HMCN1: variants seen among roughly 807,000 people sequenced by gnomAD.
HMCN1 encodes the protein hemicentin 1, also known as hemicentin-1.
Under a neutral mutation model 625.9 loss-of-function variants are expected in HMCN1, and 321 were observed. The observed-to-expected ratio is 0.51, with a 90% confidence interval of 0.47 to 0.56. HMCN1 has a LOEUF of 0.56. HMCN1 is among the 20% of genes least tolerant of loss of function. The pLI, the probability that HMCN1 is intolerant of heterozygous loss-of-function variation, is 0.00. For synonymous variants in HMCN1, 2,425 were observed against 2,417.6 expected (o/e 1.00, Z -0.09); for missense variants, 6,588 against 6,887.3 (o/e 0.96, Z 1.54).
chr1:186,182,020 A>C, intron 104 of HMCN1, 148 bp from the exon 105 acceptor site: 1 of 801,638 alleles, frequency 1.2e-6, no homozygotes, highest in South Asian at 1.5e-5. Flanking sequence ...TCTTCATAGA[A>C]AATAGCTCTG....
intron 4 of HMCN1, among the ~76,000 whole-genome samples, chr1:185,882,714 C>T (rs984331077): frequency 6.6e-6 from 1 of 151,938 alleles, no homozygotes; most frequent in African/African-American, 2.4e-5. Context: ...GAATTTTTTT[C>T]ATCTGATGCC....
intron 1 of HMCN1, among the ~76,000 whole-genome samples, chr1:185,825,404 G>A (rs1396908379): frequency 2.0e-5 from 3 of 152,194 alleles, no homozygotes; most frequent in African/African-American, 7.2e-5. Flanking sequence ...GATTTGTGCA[G>A]TGCTTTCTTC....
At chr1:186,174,682 T>A in intron 103 of HMCN1, 40 bp downstream of exon 103, 1 of 1,608,930 alleles carries the variant, frequency 6.2e-7, no homozygotes, top group Non-Finnish European at 8.5e-7. Context: ...AAGCTACTGA[T>A]GTAGTTACCT....
chr1:185,766,463 G>A (rs1353504349), intron 1 of HMCN1, among the ~76,000 whole-genome samples: 2 of 152,114 alleles, frequency 1.3e-5, no homozygotes, highest in African/African-American at 4.8e-5. Flanking sequence ...CAGGATAATG[G>A]TGAACCACAA....
At chr1:186,118,802 CA>C (rs1184717304) in intron 77 of HMCN1, among the ~76,000 whole-genome samples, 1 of 152,152 alleles carries the variant, frequency 6.6e-6, no homozygotes, top group Non-Finnish European at 1.5e-5. Context: ...TCAGAAAAGG[CA>C]AATCTGTAGA....
chr1:186,005,262 T>TAATTGTTTA (rs1653508087), intron 29 of HMCN1, among the ~76,000 whole-genome samples: 1 of 144,792 alleles, frequency 6.9e-6, no homozygotes, highest in Non-Finnish European at 1.5e-5. Context: ...AACAAATTTT[T>TAATTGTTTA]AATTGTTTAT....
chr1:185,903,103 A>G (rs2102437659), intron 4 of HMCN1, among the ~76,000 whole-genome samples: 1 of 151,984 alleles, frequency 6.6e-6, no homozygotes, highest in South Asian at 2.1e-4. Context: ...CTCATTTGTA[A>G]CACACTGAAA....
chr1:185,849,117 C>T (rs1662009428), intron 2 of HMCN1, among the ~76,000 whole-genome samples: 1 of 152,030 alleles, frequency 6.6e-6, no homozygotes, highest in Non-Finnish European at 1.5e-5. Flanking sequence ...GACCTTCCTA[C>T]CTTTCATTCC....
chr1:185,940,895 C>G (rs1370379967), intron 11 of HMCN1, among the ~76,000 whole-genome samples: 2 of 152,220 alleles, frequency 1.3e-5, no homozygotes, highest in Non-Finnish European at 2.9e-5. Context: ...TCCTCAGTAG[C>G]TGGGATTACA....
intron 14 of HMCN1, 142 bp downstream of exon 14, chr1:185,966,057 C>T: frequency 3.0e-6 from 2 of 673,374 alleles, no homozygotes; most frequent in East Asian, 5.4e-5. Context: ...GACAATAGTT[C>T]AAAATTCTCA....
chr1:185,776,922 TAAGAA>T (rs1656653029), intron 1 of HMCN1, among the ~76,000 whole-genome samples: 1 of 152,242 alleles, frequency 6.6e-6, no homozygotes, highest in South Asian at 2.1e-4. Flanking sequence ...TATTTATTGT[TAAGAA>T]TAGAATTGCC....
At chr1:185,791,531 C>T (rs1181928896) in intron 1 of HMCN1, among the ~76,000 whole-genome samples, 3 of 151,756 alleles carry the variant, frequency 2.0e-5, no homozygotes, top group South Asian at 4.2e-4. Context: ...ACCAGCCAGA[C>T]CAACATGGTG....
intron 2 of HMCN1, 64 bp from the exon 3 acceptor site, chr1:185,864,406 T>A: frequency 6.5e-7 from 1 of 1,548,874 alleles, no homozygotes. Flanking sequence ...AGCACCTTGT[T>A]ATAACCAAAA....
At chr1:185,852,641 GC>G (rs1558015883) in intron 2 of HMCN1, among the ~76,000 whole-genome samples, 1 of 148,134 alleles carries the variant, frequency 6.8e-6, no homozygotes, top group Non-Finnish European at 1.5e-5. Context: ...AGGAGGACTG[GC>G]TTGTATTTAA....
chr1:185,833,349 A>T (rs537860088), intron 1 of HMCN1, among the ~76,000 whole-genome samples: 1 of 152,346 alleles, frequency 6.6e-6, no homozygotes, highest in South Asian at 2.1e-4. Context: ...TATTAAGAAG[A>T]CATCATATAA....
chr1:186,100,506 G>T (rs77754798), intron 68 of HMCN1, among the ~76,000 whole-genome samples: 2 of 152,114 alleles, frequency 1.3e-5, no homozygotes, highest in Non-Finnish European at 2.9e-5. Context: ...ATAGGGCCAG[G>T]TCATAGAGCA....
chr1:186,132,814 C>A (rs149043290), intron 86 of HMCN1, among the ~76,000 whole-genome samples: 1,610 of 151,960 alleles, frequency 0.011, 29 homozygotes, highest in African/African-American at 0.036. Context: ...CCACAACAGG[C>A]CCTGGTGTGT....
At position 185,883,637 on chromosome 1, in the gene HMCN1, ATTTG is replaced by A. The variant is rs367823264; in HGVS notation, c.621+17781_621+17784del. ...TATACCACAATTTGTTTATACCACAATTTGTTTGTTGTTGGATATTGGAATTGTT... is the reference window on the plus strand; with the variant it reads ...TATACCACAATTTGTTTATACCACAATTTGTTGTTGGATATTGGAATTGTT... On this transcript the variant is annotated intron_variant, in intron 4 of 106. Transcript: ENST00000271588. 7.5e-4 allele frequency among the ~76,000 whole-genome samples: 114 copies of A among 152,112 alleles called. 1 individual carries two copies. Among genetic ancestry groups the A allele is most frequent in the Non-Finnish European group, 3.7e-4 (25 of 67,888 alleles).
rs766904192 is a variant in HMCN1, at chr1:186,001,692, A to G, written c.4299A>G (p.Ala1433=). The G allele has an allele frequency of 4.3e-6, 7 of 1,612,408 alleles. No individual in the cohort carries two copies. The African/African-American group carries it at 9.4e-5, about 22-fold the overall frequency. The change falls in exon 28 of 107, where the codon GCA becomes GCG. Residue 1433 remains alanine, a synonymous_variant. Transcript: ENST00000271588. ...ATGCAGGAAGATATTCCTGCAAAGC[A>G]ATTAATATTGCAGGCACTTCTCAGA... ...PEDAGRYSCK[A]INIAGTSQKY...
Sources: gnomAD v4.1 joint callset for allele counts (sites outside exome capture counted in the v4.1 genomes callset) on GRCh38, gnomAD v4.1.1 for gene constraint, MANE v1.5 for transcripts, NCBI Gene and HGNC (gene_info 2026-07-23, HGNC 2026-07-21) for gene names.